The following ELMO1 variants were observed in gnomAD, a reference collection of about 807,000 sequenced individuals.
The protein encoded by ELMO1 is engulfment and cell motility protein 1.
Under a neutral mutation model 98.9 loss-of-function variants are expected in ELMO1, and 26 were observed. The ratio of observed to expected loss-of-function variants is 0.26; its 90% CI spans 0.19 to 0.36. ELMO1 has a LOEUF of 0.36. ELMO1 is among the 10% of genes least tolerant of loss of function. The pLI, the probability that ELMO1 is intolerant of heterozygous loss-of-function variation, is 1.00. For synonymous variants in ELMO1, 346 were observed against 346.0 expected (o/e 1.00, Z 0.00); for missense variants, 627 against 935.2 (o/e 0.67, Z 4.30).
Position 37,215,259 on chromosome 7 carries a change from T to C in ELMO1, c.831+1386A>G, listed in dbSNP as rs140543023. On this transcript the variant is annotated intron_variant, in intron 11 of 21. Coordinates refer to ENST00000310758, the MANE Select transcript of ELMO1 (RefSeq NM_014800.11). Reference sequence around the variant, plus strand: ...AAAATTGAACTAACTTGGTCACAAATTGCTGGCATTACCACTGGCTTTGGG... The same window carrying C: ...AAAATTGAACTAACTTGGTCACAAACTGCTGGCATTACCACTGGCTTTGGG... Among the ~76,000 whole-genome samples, 4 of 152,346 alleles carry C rather than the reference T, an allele frequency of 2.6e-5. No homozygotes were observed. In the East Asian group the frequency reaches 7.7e-4, roughly 29 times the overall value.
intron 15 of ELMO1, among the ~76,000 whole-genome samples, chr7:37,053,731 C>T (rs1473162240): frequency 2.0e-5 from 3 of 152,160 alleles, no homozygotes; most frequent in Non-Finnish European, 4.4e-5. Context: ...CTTAGATTGA[C>T]AGGGTTGTCA....
intron 16 of ELMO1, among the ~76,000 whole-genome samples, chr7:36,978,719 A>G (rs373666386): frequency 2.6e-5 from 4 of 152,326 alleles, no homozygotes; most frequent in East Asian, 1.9e-4. Context: ...TAGAAGCACA[A>G]TATCATTTGA....
intron 1 of ELMO1, among the ~76,000 whole-genome samples, chr7:37,447,645 C>CACA (rs1554316186): frequency 1.3e-5 from 2 of 149,388 alleles, no homozygotes; most frequent in African/African-American, 5.0e-5. Flanking sequence ...AACACCCCCC[C>CACA]CACACACACA....
chr7:37,423,669 T>C (rs1804580849), intron 1 of ELMO1, among the ~76,000 whole-genome samples: 1 of 152,192 alleles, frequency 6.6e-6, no homozygotes, highest in East Asian at 1.9e-4. Flanking sequence ...ATTTTTTTTA[T>C]ATATGTGTTT....
chr7:36,940,140 T>C (rs1786907111), intron 16 of ELMO1, among the ~76,000 whole-genome samples: 1 of 152,136 alleles, frequency 6.6e-6, no homozygotes, highest in Admixed American at 6.5e-5. Context: ...TAGACAACCA[T>C]CTCCTAGTTC....
chr7:37,128,875 T>C (rs1786707899), intron 14 of ELMO1, among the ~76,000 whole-genome samples: 1 of 151,984 alleles, frequency 6.6e-6, no homozygotes, highest in Non-Finnish European at 1.5e-5. Flanking sequence ...TTACAATCAA[T>C]TAGGGGAAAT....
At chr7:37,156,668 G>C (rs1054766702) in intron 13 of ELMO1, among the ~76,000 whole-genome samples, 2 of 151,594 alleles carry the variant, frequency 1.3e-5, no homozygotes. Context: ...CTGAAATTTA[G>C]GCAGTAATAG....
chr7:36,916,173 C>T (rs112667772), intron 16 of ELMO1, among the ~76,000 whole-genome samples: 150 of 152,302 alleles, frequency 9.8e-4, no homozygotes, highest in Middle Eastern at 3.4e-3. Flanking sequence ...TTTCATCATC[C>T]CTACCTCCAA....
intron 7 of ELMO1, among the ~76,000 whole-genome samples, chr7:37,235,237 T>TA (rs1485587603): frequency 4.0e-5 from 6 of 148,924 alleles, no homozygotes; most frequent in Non-Finnish European, 6.0e-5. Context: ...GATTGCAAAA[T>TA]AAAAAAAAGA....
At chr7:36,920,574 G>A (rs540799893) in intron 16 of ELMO1, among the ~76,000 whole-genome samples, 2 of 152,160 alleles carry the variant, frequency 1.3e-5, no homozygotes, top group African/African-American at 4.8e-5. Flanking sequence ...GCATATATAT[G>A]TGCACATATT....
chr7:37,374,570 C>T (rs114300762), intron 1 of ELMO1, among the ~76,000 whole-genome samples: 1,684 of 151,452 alleles, frequency 0.011, 29 homozygotes, highest in African/African-American at 0.039. Context: ...GCTACTATGG[C>T]GAAATTCCAT....
chr7:36,881,662 C>T (rs982914170), intron 18 of ELMO1, among the ~76,000 whole-genome samples: 11 of 152,012 alleles, frequency 7.2e-5, no homozygotes. Context: ...TTCTTGCGTG[C>T]GTGTGCGTGT....
intron 13 of ELMO1, among the ~76,000 whole-genome samples, chr7:37,152,849 C>T (rs150595910): frequency 8.7e-4 from 133 of 152,298 alleles, no homozygotes; most frequent in African/African-American, 2.8e-3. Flanking sequence ...TCATGATGAA[C>T]TGAGAAATGA....
intron 16 of ELMO1, among the ~76,000 whole-genome samples, chr7:36,963,204 C>G (rs1484445886): frequency 6.6e-6 from 1 of 151,630 alleles, no homozygotes; most frequent in African/African-American, 2.4e-5. Context: ...ACAGTGAAAC[C>G]CTGTCTCTAC....
At chr7:36,886,078 C>G (rs1221400974) in intron 18 of ELMO1, among the ~76,000 whole-genome samples, 13 of 152,160 alleles carry the variant, frequency 8.5e-5, no homozygotes, top group Non-Finnish European at 5.9e-5. Flanking sequence ...TCTTGGAACA[C>G]CATTTACTCT....
At chr7:36,896,687 T>A (rs1806030078) in intron 16 of ELMO1, among the ~76,000 whole-genome samples, 2 of 152,292 alleles carry the variant, frequency 1.3e-5, no homozygotes, top group South Asian at 4.1e-4. Flanking sequence ...TTTGTTTTTT[T>A]TTTTTAACTT....
chr7:37,153,807 T>C (rs899909788), intron 13 of ELMO1, among the ~76,000 whole-genome samples: 8 of 152,164 alleles, frequency 5.3e-5, no homozygotes, highest in African/African-American at 1.9e-4. Context: ...GCAGTGGTTC[T>C]CCCAGCACAG....
chr7:37,447,560 G>A (rs73691113), intron 1 of ELMO1, among the ~76,000 whole-genome samples: 1 of 151,684 alleles, frequency 6.6e-6, no homozygotes, highest in Admixed American at 6.6e-5. Context: ...CCCCCTAGGC[G>A]GGAGAGGGTC....
chr7:37,421,701 A>G (rs10256348), intron 1 of ELMO1, among the ~76,000 whole-genome samples: 72,747 of 152,086 alleles, frequency 0.48, 18,081 homozygotes, highest in East Asian at 0.64. Context: ...AAAAGGAAGG[A>G]GTGGAAAATT....
Sources: allele counts gnomAD v4.1 joint callset (sites outside exome capture counted in the v4.1 genomes callset), GRCh38; gene constraint gnomAD v4.1.1; transcripts MANE v1.5; gene names NCBI Gene and HGNC (gene_info 2026-07-23, HGNC 2026-07-21).